The following SNX29 variants were observed in gnomAD, a reference collection of about 807,000 sequenced individuals.
The protein encoded by SNX29 is sorting nexin-29.
A neutral mutation model predicts 102.1 loss-of-function variants in SNX29; 78 were observed. That is an observed-to-expected ratio of 0.76 (90% confidence interval 0.64 to 0.92). The LOEUF (loss-of-function observed/expected upper bound fraction) is 0.92. SNX29 is among the 40% of genes least tolerant of loss of function. SNX29 has a pLI of 0.00. For synonymous variants in SNX29, 580 were observed against 414.5 expected, an observed-to-expected ratio of 1.40 and a Z score of -4.85; for missense variants, 1,280 against 1,061.7, an observed-to-expected ratio of 1.21 and a Z score of -2.86.
intron 20 of SNX29, among the ~76,000 whole-genome samples, chr16:12,555,500 C>T (rs1025771489): frequency 1.2e-4 from 18 of 151,572 alleles, no homozygotes; most frequent in Non-Finnish European, 1.9e-4. Flanking sequence ...TGGGGAGTCA[C>T]GCAGGGATTG....
At chr16:12,370,293 G>A (rs763104541) in intron 16 of SNX29, among the ~76,000 whole-genome samples, 1 of 151,654 alleles carries the variant, frequency 6.6e-6, no homozygotes, top group Non-Finnish European at 1.5e-5. Context: ...GGGTGCGGTG[G>A]CTCACACCTG....
At chr16:12,530,057 T>A (rs972603300) in intron 20 of SNX29, among the ~76,000 whole-genome samples, 2 of 152,212 alleles carry the variant, frequency 1.3e-5, no homozygotes, top group African/African-American at 4.8e-5. Flanking sequence ...TGTGTCCCAG[T>A]TCGGCACCGT....
intron 20 of SNX29, chr16:12,557,452 C>T (rs1350184943): frequency 6.6e-6 from 1 of 152,154 alleles, no homozygotes; most frequent in Non-Finnish European, 1.5e-5. Flanking sequence ...ACCTCCTCCT[C>T]CTGGGTTCAA....
chr16:12,558,979 C>G (rs1219000719), intron 20 of SNX29, among the ~76,000 whole-genome samples: 3 of 152,178 alleles, frequency 2.0e-5, no homozygotes, highest in Non-Finnish European at 4.4e-5. Context: ...GATTCAGAGA[C>G]TTTAAAGAAA....
In SNX29 at chr16:12,518,057, G is replaced by T. The variant is rs367581903; in HGVS notation, c.2179-6645G>T. ...GGTTAGCAAGGCGTGCTGCGGCCAC[G>T]CGGCAAGGTTCCCATGAGCCACGCT... is the stretch of plus-strand genomic sequence containing the variant. On this transcript the variant is annotated intron_variant, in intron 19 of 20. Coordinates refer to ENST00000566228, the MANE Select transcript of SNX29 (RefSeq NM_032167.5). Among the ~76,000 whole-genome samples, 16 of 152,290 alleles carry T rather than the reference G, an allele frequency of 1.1e-4. No homozygotes were observed. In the East Asian group the frequency reaches 2.9e-3, roughly 28 times the overall value.
chr16:12,511,120 C>T (rs1351415715), intron 19 of SNX29, among the ~76,000 whole-genome samples: 1 of 152,174 alleles, frequency 6.6e-6, no homozygotes, highest in Non-Finnish European at 1.5e-5. Flanking sequence ...CTCACTGTGC[C>T]AGGAGGAAAG....
At chr16:12,062,144 C>T (rs972443748) in intron 9 of SNX29, among the ~76,000 whole-genome samples, 8 of 151,898 alleles carry the variant, frequency 5.3e-5, no homozygotes, top group Admixed American at 3.9e-4. Context: ...TTTGTGAAGC[C>T]GAGGCGGGTG....
rs115299589 is a variant in SNX29, at chr16:12,518,077, C to T, written c.2179-6625C>T. 7.9e-3 allele frequency among the ~76,000 whole-genome samples: 1,201 copies of T among 152,296 alleles called. 18 individuals carry two copies. The highest frequency in any genetic ancestry group is 0.028 in the African/African-American group (1,148 of 41,554). Reference sequence around the variant, plus strand: ...GCCACGCGGCAAGGTTCCCATGAGCCACGCTAGTTTAGTCGTGTGTGCTGG... The same window carrying T: ...GCCACGCGGCAAGGTTCCCATGAGCTACGCTAGTTTAGTCGTGTGTGCTGG... On this transcript the variant is annotated intron_variant, in intron 19 of 20. Coordinates refer to ENST00000566228, the MANE Select transcript of SNX29 (RefSeq NM_032167.5).
intron 14 of SNX29, among the ~76,000 whole-genome samples, chr16:12,270,129 A>C (rs1006381645): frequency 2.6e-5 from 4 of 152,064 alleles, no homozygotes; most frequent in Non-Finnish European, 5.9e-5. Flanking sequence ...CCAAAGTCCT[A>C]GAGATTACAG....
intron 13 of SNX29, among the ~76,000 whole-genome samples, chr16:12,188,113 A>T (rs1048724261): frequency 6.6e-6 from 1 of 152,202 alleles, no homozygotes; most frequent in Non-Finnish European, 1.5e-5. Context: ...TTGGAATATG[A>T]TGACACTGGA....
chr16:12,293,354 A>C lies in SNX29; in HGVS notation c.1782+15318A>C, dbSNP rs112367467. ...AATATCCCGAGTTGCATAGTCAGCA[A>C]GTGGCAGAGCTGACGTCTGGACCCA... On this transcript the variant is annotated intron_variant, in intron 15 of 20. Transcript: ENST00000566228. Among the ~76,000 whole-genome samples, 1,149 of 152,342 alleles carry C rather than the reference A, an allele frequency of 7.5e-3. 17 individuals are homozygous for C. The highest frequency in any genetic ancestry group is 0.026 in the African/African-American group (1,084 of 41,572).
At position 12,046,380 on chromosome 16, in the gene SNX29, G is replaced by A; in HGVS notation, c.429-4G>A. On this transcript the variant is annotated splice_region_variant and splice_polypyrimidine_tract_variant and intron_variant, in intron 5 of 20. Coordinates refer to ENST00000566228, the MANE Select transcript of SNX29 (RefSeq NM_032167.5). Reference sequence around the variant, plus strand: ...ACGATTTCCTTTTCTCTTTCAATCTGCAGCACTTTTTATGAAGACTGGTCT... The same window carrying A: ...ACGATTTCCTTTTCTCTTTCAATCTACAGCACTTTTTATGAAGACTGGTCT... 1 of 1,613,540 alleles carries A rather than the reference G, an allele frequency of 6.2e-7. No homozygotes were observed. Among genetic ancestry groups the A allele is most frequent in the Non-Finnish European group, 8.5e-7 (1 of 1,179,556 alleles).
intron 15 of SNX29, among the ~76,000 whole-genome samples, chr16:12,355,833 G>A (rs2082114605): frequency 3.0e-5 from 3 of 100,166 alleles, no homozygotes; most frequent in South Asian, 4.1e-4. Context: ...TTGACAGAGC[G>A]AGATCTTATT....
chr16:12,548,511 C>T (rs560379841), intron 20 of SNX29, among the ~76,000 whole-genome samples: 1 of 152,316 alleles, frequency 6.6e-6, no homozygotes, highest in East Asian at 1.9e-4. Flanking sequence ...TTGTCTGGAC[C>T]AGATGCTTTG....
At chr16:12,116,330 A>G (rs1277505948) in intron 11 of SNX29, among the ~76,000 whole-genome samples, 1 of 152,228 alleles carries the variant, frequency 6.6e-6, no homozygotes, top group Non-Finnish European at 1.5e-5. Context: ...TGAAGAATGG[A>G]TTAACAAATT....
intron 15 of SNX29, among the ~76,000 whole-genome samples, chr16:12,293,662 C>G (rs1228844453): frequency 6.6e-6 from 1 of 152,228 alleles, no homozygotes; most frequent in East Asian, 1.9e-4. Flanking sequence ...CATCCAATAG[C>G]TTGGTAGAAA....
intron 19 of SNX29, among the ~76,000 whole-genome samples, chr16:12,514,927 A>C (rs2089797558): frequency 1.3e-5 from 2 of 150,410 alleles, no homozygotes; most frequent in African/African-American, 5.0e-5. Context: ...AGAGAAAGAA[A>C]GAAAGAAAGA....
intron 20 of SNX29, among the ~76,000 whole-genome samples, chr16:12,553,319 G>A (rs115162932): frequency 0.052 from 7,930 of 152,294 alleles, 208 homozygotes; most frequent in African/African-American, 0.063. Flanking sequence ...CCTGGGAAAC[G>A]CCCTAACAAG....
chr16:12,058,315 A>G (rs1036677631), intron 8 of SNX29, among the ~76,000 whole-genome samples: 3 of 151,790 alleles, frequency 2.0e-5, no homozygotes, highest in African/African-American at 7.3e-5. Context: ...GGCATTTTCT[A>G]AGTTTTCAAA....
Sources: gnomAD v4.1 joint callset for allele counts (sites outside exome capture counted in the v4.1 genomes callset) on GRCh38, gnomAD v4.1.1 for gene constraint, MANE v1.5 for transcripts, NCBI Gene and HGNC (gene_info 2026-07-23, HGNC 2026-07-21) for gene names.